The following ATOSA variants were observed in gnomAD, a reference collection of about 807,000 sequenced individuals.
The protein encoded by ATOSA is atos homolog A.
At chr15:52,596,800 A>G in the ATOSA span, among the ~76,000 whole-genome samples, 2 of 152,240 alleles carry the variant, frequency 1.3e-5, no homozygotes, top group Non-Finnish European at 2.9e-5. Context: ...TTCAACATCA[A>G]AAGTAAGATT....
At chr15:52,661,421 C>T in the ATOSA span, among the ~76,000 whole-genome samples, 1 of 152,176 alleles carries the variant, frequency 6.6e-6, no homozygotes, top group Admixed American at 6.5e-5. Context: ...CAGCAACTAG[C>T]AGGGAATTTG....
chr15:52,651,270 G>A, the ATOSA span, among the ~76,000 whole-genome samples: 1 of 152,106 alleles, frequency 6.6e-6, no homozygotes, highest in African/African-American at 2.4e-5. Flanking sequence ...GAATTATGAT[G>A]CTTTATCTGA....
At chr15:52,655,203 C>T in the ATOSA span, among the ~76,000 whole-genome samples, 2 of 152,072 alleles carry the variant, frequency 1.3e-5, no homozygotes, top group South Asian at 2.1e-4. Context: ...TACTATTTGC[C>T]GTAAGGCAAA....
At chr15:52,627,689 TTTTTGC>T in the ATOSA span, among the ~76,000 whole-genome samples, 1 of 152,152 alleles carries the variant, frequency 6.6e-6, no homozygotes. Context: ...TGCATTTTTT[TTTTTGC>T]TTTTGCTTTT....
At chr15:52,611,497 T>C in the ATOSA span, 20 of 1,434,300 alleles carry the variant, frequency 1.4e-5, no homozygotes, top group Non-Finnish European at 1.9e-5. Flanking sequence ...AAAGACATGA[T>C]ACATTAAAAT....
the ATOSA span, among the ~76,000 whole-genome samples, chr15:52,625,694 G>A: frequency 1.9e-5 from 2 of 103,098 alleles, no homozygotes; most frequent in African/African-American, 5.1e-5. Context: ...ATCATAAGGT[G>A]CCATCTTAAA....
the ATOSA span, chr15:52,610,001 C>A: frequency 6.2e-7 from 1 of 1,613,748 alleles, no homozygotes; most frequent in Admixed American, 1.7e-5. Flanking sequence ...GATTTACTGC[C>A]AGTGCCTGGA....
chr15:52,609,879 A>G, the ATOSA span: 1 of 1,613,402 alleles, frequency 6.2e-7, no homozygotes, highest in Non-Finnish European at 8.5e-7. Flanking sequence ...GGTTAGAGAT[A>G]CTGGAATCAA....
chr15:52,609,736 C>T, the ATOSA span: 10 of 1,613,720 alleles, frequency 6.2e-6, no homozygotes, highest in Non-Finnish European at 8.5e-6. Flanking sequence ...AAATGGACGT[C>T]CAGAAACATG....
At chr15:52,594,810 T>C in the ATOSA span, among the ~76,000 whole-genome samples, 2 of 152,204 alleles carry the variant, frequency 1.3e-5, no homozygotes, top group Non-Finnish European at 2.9e-5. Flanking sequence ...TTTCCATCTG[T>C]AGTGTATCCT....
At chr15:52,609,381 A>G in the ATOSA span, 4 of 1,613,970 alleles carry the variant, frequency 2.5e-6, 1 homozygote, top group South Asian at 4.4e-5. Context: ...AACTGGAGTC[A>G]TGCATGTTGA....
chr15:52,645,721 G>A, the ATOSA span, among the ~76,000 whole-genome samples: 3,525 of 152,190 alleles, frequency 0.023, 113 homozygotes, highest in African/African-American at 0.073. Flanking sequence ...TAGTCTCAGG[G>A]CCTGAAGACT....
At chr15:52,631,283 G>A in the ATOSA span, among the ~76,000 whole-genome samples, 1 of 152,178 alleles carries the variant, frequency 6.6e-6, no homozygotes, top group African/African-American at 2.4e-5. Context: ...CTCACTGTTT[G>A]TAAGGTGGTA....
the ATOSA span, among the ~76,000 whole-genome samples, chr15:52,604,022 A>G: frequency 6.6e-6 from 1 of 152,244 alleles, no homozygotes; most frequent in Non-Finnish European, 1.5e-5. Flanking sequence ...CCTTGAAGTG[A>G]TAGATAATCC....
chr15:52,612,580 C>A, the ATOSA span, among the ~76,000 whole-genome samples: 1 of 148,430 alleles, frequency 6.7e-6, no homozygotes, highest in Admixed American at 6.8e-5. Context: ...TCTTGGCTCA[C>A]TGCAACCTCT....
the ATOSA span, among the ~76,000 whole-genome samples, chr15:52,703,803 T>G: frequency 1.3e-5 from 2 of 151,978 alleles, no homozygotes; most frequent in African/African-American, 4.8e-5. Flanking sequence ...TAACAAACCT[T>G]CACGTTGTGT....
the ATOSA span, among the ~76,000 whole-genome samples, chr15:52,647,750 A>T: frequency 2.6e-5 from 4 of 152,234 alleles, no homozygotes; most frequent in Non-Finnish European, 5.9e-5. Context: ...GTACATACAC[A>T]CACAACAGAA....
At chr15:52,647,204 C>T in the ATOSA span, among the ~76,000 whole-genome samples, 3 of 151,246 alleles carry the variant, frequency 2.0e-5, no homozygotes, top group Admixed American at 1.3e-4. Context: ...AGCTAACCTG[C>T]ACCTTCCAGC....
At chr15:52,584,988 G>T in the ATOSA span, 2 of 1,474,114 alleles carry the variant, frequency 1.4e-6, no homozygotes, top group African/African-American at 2.8e-5. Context: ...ATAGTGATTT[G>T]TTGATGTGAT....
Sources: gnomAD v4.1 joint callset for allele counts (sites outside exome capture counted in the v4.1 genomes callset) on GRCh38, gnomAD v4.1.1 for gene constraint, MANE v1.5 for transcripts, NCBI Gene and HGNC (gene_info 2026-07-23, HGNC 2026-07-21) for gene names.